Variants in TASP1 observed in about 807,000 individuals in gnomAD.
The protein encoded by TASP1 is taspase 1, also known as threonine aspartase 1.
In TASP1, 16 loss-of-function variants were observed where a neutral mutation model predicts 56.6. That is an observed-to-expected ratio of 0.28 (90% CI 0.19 to 0.43). The LOEUF is 0.43. Among genes scored for constraint, TASP1 ranks in the 20% least tolerant of loss-of-function variants. The probability of loss-of-function intolerance (pLI) is 1.00; values close to 1 mark genes in which losing one functional copy is unlikely to be tolerated. For synonymous variants in TASP1, 179 were observed against 184.2 expected, an observed-to-expected ratio of 0.97 and a Z score of 0.23; for missense variants, 393 against 511.6, an observed-to-expected ratio of 0.77 and a Z score of 2.24.
At chr20:13,406,668 C>T (rs796849175) in intron 13 of TASP1, among the ~76,000 whole-genome samples, 9,965 of 117,726 alleles carry the variant, frequency 0.085, 464 homozygotes, top group African/African-American at 0.2. Context: ...AGGGTTTTTT[C>T]TTTTTTTTTT....
At chr20:13,288,577 T>C in the TASP1 span, 1 of 1,613,986 alleles carries the variant, frequency 6.2e-7, no homozygotes, top group East Asian at 2.2e-5. Context: ...GTCTCTGGTC[T>C]GTCTGCAGCG....
At chr20:13,583,360 A>C (rs192375480) in intron 5 of TASP1, among the ~76,000 whole-genome samples, 16 of 152,326 alleles carry the variant, frequency 1.1e-4, no homozygotes, top group South Asian at 2.1e-4. Context: ...CCATACAGTG[A>C]ATGATAGCCA....
intron 8 of TASP1, among the ~76,000 whole-genome samples, chr20:13,538,549 G>A (rs1446666939): frequency 2.0e-5 from 3 of 152,150 alleles, no homozygotes; most frequent in African/African-American, 4.8e-5. Context: ...GCTTCCACTT[G>A]AGAAATGCAG....
At chr20:13,600,004 T>C (rs148742858) in intron 4 of TASP1, among the ~76,000 whole-genome samples, 93 of 152,280 alleles carry the variant, frequency 6.1e-4, no homozygotes, top group Non-Finnish European at 1.0e-3. Flanking sequence ...AGTAATAAAC[T>C]ATTGGAAATT....
chr20:13,408,713 G>C lies in TASP1; in HGVS notation c.1170+8735C>G, dbSNP rs895338030. Among the ~76,000 whole-genome samples the C allele has an allele frequency of 3.9e-5, 6 of 152,054 alleles. 1 individual carries two copies. The highest frequency in any genetic ancestry group is 4.1e-4 in the South Asian group (2 of 4,826). ...GGTTATTTAAAATTTTTTGTGTTTA[G>C]TTTGTTAAGTTGGTTTTCTTCAACA... On this transcript the variant is annotated intron_variant, in intron 13 of 13. Transcript: ENST00000337743.
chr20:13,573,162 AT>A (rs1243976584), intron 6 of TASP1, among the ~76,000 whole-genome samples: 1 of 152,252 alleles, frequency 6.6e-6, no homozygotes, highest in African/African-American at 2.4e-5. Flanking sequence ...CAACCAAATT[AT>A]AACTGTTCTC....
chr20:13,311,274 T>C, the TASP1 span, among the ~76,000 whole-genome samples: 1 of 151,478 alleles, frequency 6.6e-6, no homozygotes, highest in Non-Finnish European at 1.5e-5. Flanking sequence ...GATAGATAGA[T>C]AGATAGATAA....
At chr20:13,353,237 G>T in the TASP1 span, among the ~76,000 whole-genome samples, 3 of 125,076 alleles carry the variant, frequency 2.4e-5, no homozygotes, top group Admixed American at 8.3e-5. Flanking sequence ...GACAGAGCAA[G>T]ATTTTGTCTC....
At chr20:13,327,247 C>T in the TASP1 span, among the ~76,000 whole-genome samples, 1 of 152,050 alleles carries the variant, frequency 6.6e-6, no homozygotes, top group African/African-American at 2.4e-5. Context: ...AGGAATAGAG[C>T]TAATAAGGGA....
At chr20:13,560,048 T>C (rs1252972397) in intron 7 of TASP1, among the ~76,000 whole-genome samples, 2 of 152,164 alleles carry the variant, frequency 1.3e-5, no homozygotes, top group Non-Finnish European at 2.9e-5. Flanking sequence ...ATAAACTGAC[T>C]AGGCTGAATT....
intron 11 of TASP1, among the ~76,000 whole-genome samples, chr20:13,441,629 G>A (rs1483439436): frequency 6.6e-6 from 1 of 152,190 alleles, no homozygotes; most frequent in African/African-American, 2.4e-5. Context: ...GGCAGGGCCA[G>A]GTCACAGACA....
intron 11 of TASP1, among the ~76,000 whole-genome samples, chr20:13,472,497 A>AAT (rs2044546467): frequency 6.6e-6 from 1 of 151,130 alleles, no homozygotes; most frequent in African/African-American, 2.4e-5. Context: ...ATCTAATTCG[A>AAT]CTAAAGAGCT....
At chr20:13,378,906 T>C in the TASP1 span, among the ~76,000 whole-genome samples, 1 of 152,222 alleles carries the variant, frequency 6.6e-6, no homozygotes, top group Admixed American at 6.5e-5. Flanking sequence ...CCCTGCTTTA[T>C]TTTTGCTTTC....
At chr20:13,541,832 C>T (rs1404277701) in intron 8 of TASP1, among the ~76,000 whole-genome samples, 2 of 151,856 alleles carry the variant, frequency 1.3e-5, no homozygotes, top group African/African-American at 4.8e-5. Context: ...GCAAACACAA[C>T]GGCAAACCTG....
At chr20:13,115,976 C>G in the TASP1 span, among the ~76,000 whole-genome samples, 8 of 152,172 alleles carry the variant, frequency 5.3e-5, no homozygotes, top group African/African-American at 1.7e-4. Flanking sequence ...ACAATTTTAA[C>G]AAGCAATTAA....
At chr20:13,550,157 C>CAA (rs2045933402) in intron 8 of TASP1, among the ~76,000 whole-genome samples, 1 of 150,240 alleles carries the variant, frequency 6.7e-6, no homozygotes, top group African/African-American at 2.5e-5. Context: ...TACACACACA[C>CAA]ACACACACAC....
chr20:13,170,276 A>G, the TASP1 span, among the ~76,000 whole-genome samples: 1 of 152,162 alleles, frequency 6.6e-6, no homozygotes, highest in Non-Finnish European at 1.5e-5. Flanking sequence ...GTTTTTTCTT[A>G]GAATGTTTAT....
the TASP1 span, among the ~76,000 whole-genome samples, chr20:13,143,763 G>A: frequency 5.3e-4 from 81 of 152,258 alleles, no homozygotes; most frequent in African/African-American, 1.3e-3. Context: ...TCATTTGCAC[G>A]GTTTCTCAGA....
chr20:13,536,479 C>T (rs1389565312), intron 8 of TASP1, among the ~76,000 whole-genome samples: 2 of 152,176 alleles, frequency 1.3e-5, no homozygotes, highest in African/African-American at 4.8e-5. Context: ...TGATCTTACA[C>T]TTTGAATAGC....
Sources: allele counts gnomAD v4.1 joint callset (sites outside exome capture counted in the v4.1 genomes callset), GRCh38; gene constraint gnomAD v4.1.1; transcripts MANE v1.5; gene names NCBI Gene and HGNC (gene_info 2026-07-23, HGNC 2026-07-21).